AKT3: variants seen among roughly 807,000 people sequenced by gnomAD.
AKT3 encodes the protein RAC-gamma serine/threonine-protein kinase.
A neutral mutation model predicts 65.3 loss-of-function variants in AKT3; 15 were observed. The ratio of observed to expected loss-of-function variants is 0.23; its 90% CI spans 0.15 to 0.35. The LOEUF is 0.35. Ranked by LOEUF, AKT3 falls within the 10% of genes least tolerant of loss-of-function variation. AKT3 has a pLI of 1.00. For missense variants in AKT3, 243 were observed against 576.5 expected (o/e 0.42, Z 5.92); for synonymous variants, 206 against 183.8 (o/e 1.12, Z -0.98).
chr1:243,744,398 T>C (rs1251302629), intron 2 of AKT3, among the ~76,000 whole-genome samples: 3 of 152,228 alleles, frequency 2.0e-5, no homozygotes, highest in East Asian at 3.8e-4. Context: ...CGTATTCTTA[T>C]GATTCTTTCA....
chr1:243,754,308 T>C (rs1199548971), intron 2 of AKT3, among the ~76,000 whole-genome samples: 1 of 152,228 alleles, frequency 6.6e-6, no homozygotes, highest in African/African-American at 2.4e-5. Context: ...TTTACCACAG[T>C]TGATAATTAC....
intron 5 of AKT3, among the ~76,000 whole-genome samples, chr1:243,644,946 T>C (rs1485439927): frequency 2.0e-5 from 3 of 152,130 alleles, no homozygotes; most frequent in African/African-American, 4.8e-5. Context: ...AAATCTACAA[T>C]GAAGACAGAA....
chr1:243,530,065 T>C (rs1191784656), intron 12 of AKT3, among the ~76,000 whole-genome samples: 29 of 152,222 alleles, frequency 1.9e-4, no homozygotes, highest in Non-Finnish European at 2.9e-5. Context: ...GTGGCTATTG[T>C]GAATAGGATT....
At position 243,718,643 on chromosome 1, in the gene AKT3, A is replaced by ATT. The variant is rs5782266; in HGVS notation, c.47-22929_47-22928dup. The stretch of plus-strand genomic sequence containing the variant: ...ACGCCTGGATAATTTTCTTTTTTGT[A>ATT]TTTTTTTTTTCAGTAGAGACGGGGT... On this transcript the variant is annotated intron_variant, in intron 2 of 13. Coordinates refer to ENST00000673466, the MANE Select transcript of AKT3 (RefSeq NM_005465.7). Among the ~76,000 whole-genome samples the ATT allele has an allele frequency of 2.7e-3, 396 of 147,364 alleles. 3 individuals are homozygous for ATT. The highest frequency in any genetic ancestry group is 4.5e-3 in the Non-Finnish European group (304 of 66,966).
At chr1:243,758,054 C>T (rs1045633498) in intron 2 of AKT3, among the ~76,000 whole-genome samples, 2 of 152,200 alleles carry the variant, frequency 1.3e-5, no homozygotes, top group African/African-American at 4.8e-5. Context: ...TGAGCCACCA[C>T]ACCCAGCTAT....
chr1:243,689,652 C>T (rs755009553), intron 3 of AKT3, among the ~76,000 whole-genome samples: 33 of 152,014 alleles, frequency 2.2e-4, no homozygotes, highest in South Asian at 4.2e-4. Context: ...AGAGAAAAGT[C>T]GGTTAGAGAG....
chr1:243,615,237 T>C lies in AKT3; in HGVS notation c.562-76A>G, dbSNP rs1312602926. On this transcript the variant is annotated intron_variant, in intron 6 of 13. Coordinates refer to ENST00000673466, the MANE Select transcript of AKT3 (RefSeq NM_005465.7). ...TAATAATTTCACTATTTCTCTAAAA[T>C]TGGAAGAGGTTAAGCCCAGAGATTG... 6.9e-6 allele frequency: 8 copies of C among 1,160,592 alleles called. No individual in the cohort carries two copies. In the Admixed American group the frequency reaches 1.4e-4, roughly 20 times the overall value. 71.9% of individuals were successfully genotyped at this position (1,160,592 alleles called of 1,614,324 possible).
intron 2 of AKT3, among the ~76,000 whole-genome samples, chr1:243,781,263 C>T (rs541314757): frequency 6.6e-6 from 1 of 152,090 alleles, no homozygotes; most frequent in Non-Finnish European, 1.5e-5. Flanking sequence ...GGTTAGAATT[C>T]CATAGTACGA....
intron 2 of AKT3, among the ~76,000 whole-genome samples, chr1:243,797,087 G>A (rs1167894767): frequency 6.6e-6 from 1 of 152,014 alleles, no homozygotes; most frequent in African/African-American, 2.4e-5. Flanking sequence ...TGTACTTGAT[G>A]TCGCTGAAAC....
intron 3 of AKT3, chr1:243,687,738 A>G (rs1684423385): frequency 6.6e-6 from 1 of 152,140 alleles, no homozygotes; most frequent in Non-Finnish European, 1.5e-5. Context: ...GAAGAAGGAA[A>G]TATGTGACAT....
rs61833236 is a variant in AKT3, at chr1:243,826,094, T to C, written c.46+17031A>G. Among the ~76,000 whole-genome samples, 878 of 151,638 alleles carry C rather than the reference T, an allele frequency of 5.8e-3. 4 individuals are homozygous for C. The highest frequency in any genetic ancestry group is 8.7e-3 in the Admixed American group (133 of 15,238). On this transcript the variant is annotated intron_variant, in intron 2 of 13. Coordinates refer to ENST00000673466, the MANE Select transcript of AKT3 (RefSeq NM_005465.7). ...TTACACTGAGCCAAGATGGCACCAC[T>C]GCACTCCATCCTGGGCGACAGAGTG...
In AKT3 at chr1:243,502,469, AG is replaced by A. The variant is rs1300437640; in HGVS notation, c.*2779del. On this transcript the variant is annotated 3_prime_UTR_variant, in exon 14 of 14. Transcript: ENST00000673466. Reference sequence around the variant, plus strand: ...ATGGCTGCATTATGACAAGAAGTCAAGCTTCATGACAGTTAGTATGGGCTGG... The same window carrying A: ...ATGGCTGCATTATGACAAGAAGTCAACTTCATGACAGTTAGTATGGGCTGG... The A allele has an allele frequency of 4.3e-6, 1 of 233,180 alleles. No homozygotes were observed. Among genetic ancestry groups the A allele is most frequent in the Non-Finnish European group, 8.5e-6 (1 of 118,040 alleles). The allele number at this position is 233,180 out of a possible 1,614,324, so 14.4% of individuals were successfully genotyped here.
intron 8 of AKT3, among the ~76,000 whole-genome samples, chr1:243,607,354 C>T (rs1009152665): frequency 2.0e-5 from 3 of 152,198 alleles, no homozygotes; most frequent in African/African-American, 7.2e-5. Flanking sequence ...TAGGAGCCCA[C>T]CTCTTGCATC....
intron 13 of AKT3, among the ~76,000 whole-genome samples, chr1:243,511,005 C>T (rs1018446935): frequency 6.6e-6 from 1 of 152,242 alleles, no homozygotes; most frequent in Non-Finnish European, 1.5e-5. Context: ...CAGCGCTGAG[C>T]TACTTGCCCA....
intron 2 of AKT3, among the ~76,000 whole-genome samples, chr1:243,703,456 T>C (rs1031223518): frequency 2.0e-5 from 3 of 152,112 alleles, no homozygotes; most frequent in Admixed American, 1.3e-4. Context: ...CCATGTTTTA[T>C]TGATGTCTTA....
chr1:243,727,752 G>A (rs149840610), intron 2 of AKT3, among the ~76,000 whole-genome samples: 22 of 151,916 alleles, frequency 1.4e-4, no homozygotes, highest in Admixed American at 3.9e-4. Context: ...CATCCTTATA[G>A]TTCAAAGTCT....
intron 6 of AKT3, among the ~76,000 whole-genome samples, chr1:243,619,495 C>T (rs1182846453): frequency 2.4e-5 from 1 of 40,994 alleles, no homozygotes; most frequent in African/African-American, 3.8e-5. Context: ...AACTCCATCT[C>T]CCCATCCCCC....
chr1:243,679,383 G>A (rs1683759597), intron 3 of AKT3, among the ~76,000 whole-genome samples: 1 of 152,122 alleles, frequency 6.6e-6, no homozygotes, highest in Non-Finnish European at 1.5e-5. Context: ...ACAGGTGATA[G>A]AGAACTGAAA....
chr1:243,542,171 A>C (rs1267880059), intron 12 of AKT3, among the ~76,000 whole-genome samples: 3 of 152,228 alleles, frequency 2.0e-5, no homozygotes, highest in Non-Finnish European at 4.4e-5. Context: ...AGAGTGTAAA[A>C]TTTACGTAGA....
Sources: allele counts gnomAD v4.1 joint callset (sites outside exome capture counted in the v4.1 genomes callset), GRCh38; gene constraint gnomAD v4.1.1; transcripts MANE v1.5; gene names NCBI Gene and HGNC (gene_info 2026-07-23, HGNC 2026-07-21).